The following SUCLG2 variants were observed in gnomAD, a reference collection of about 807,000 sequenced individuals.
SUCLG2 encodes succinate--CoA ligase [GDP-forming] subunit beta, mitochondrial.
Under a neutral mutation model 47.9 loss-of-function variants are expected in SUCLG2, and 42 were observed. That is an observed-to-expected ratio of 0.88 (90% CI 0.69 to 1.14). The LOEUF (loss-of-function observed/expected upper bound fraction) is 1.14. SUCLG2 is among the 50% of genes most tolerant of loss of function. The pLI is 0.00. For missense variants in SUCLG2, 571 were observed against 525.9 expected (o/e 1.09, Z -0.84); for synonymous variants, 195 against 197.3 (o/e 0.99, Z 0.10).
chr3:67,465,117 G>C (rs1704439234), intron 9 of SUCLG2, among the ~76,000 whole-genome samples: 1 of 152,110 alleles, frequency 6.6e-6, no homozygotes, highest in Non-Finnish European at 1.5e-5. Context: ...AGGCAATTTG[G>C]AGACACCTAG....
intron 4 of SUCLG2, among the ~76,000 whole-genome samples, chr3:67,522,969 G>T (rs4856872): frequency 0.059 from 8,970 of 151,056 alleles, 391 homozygotes; most frequent in East Asian, 0.22. Flanking sequence ...TGGCCTAATT[G>T]TTTTGTATTT....
chr3:67,493,408 C>T (rs937199184), intron 9 of SUCLG2, among the ~76,000 whole-genome samples: 8 of 151,952 alleles, frequency 5.3e-5, no homozygotes, highest in African/African-American at 1.9e-4. Flanking sequence ...CAGTTAATCT[C>T]AAAAAAAGTT....
chr3:67,484,910 G>GT (rs1189134291), intron 9 of SUCLG2, among the ~76,000 whole-genome samples: 1 of 152,162 alleles, frequency 6.6e-6, no homozygotes, highest in Non-Finnish European at 1.5e-5. Context: ...ATCTTAAGAG[G>GT]TTTTTGGTAA....
chr3:67,549,219 A>G (rs1706947002), intron 2 of SUCLG2, among the ~76,000 whole-genome samples: 1 of 152,180 alleles, frequency 6.6e-6, no homozygotes. Context: ...CAACCTCCAG[A>G]AAAGCCAGGA....
chr3:67,423,659 C>A (rs1309978175), intron 9 of SUCLG2, among the ~76,000 whole-genome samples: 1 of 152,136 alleles, frequency 6.6e-6, no homozygotes, highest in Non-Finnish European at 1.5e-5. Flanking sequence ...TCTCTTACCC[C>A]CTGCTCTACA....
intron 9 of SUCLG2, among the ~76,000 whole-genome samples, chr3:67,402,083 C>T (rs1702697206): frequency 6.6e-6 from 1 of 152,196 alleles, no homozygotes; most frequent in Admixed American, 6.5e-5. Context: ...AGATTGTCTA[C>T]TGATTTGTTC....
intron 9 of SUCLG2, among the ~76,000 whole-genome samples, chr3:67,427,090 G>T (rs1223906873): frequency 6.6e-6 from 1 of 152,166 alleles, no homozygotes. Flanking sequence ...TTACCTGAAA[G>T]AACGGTTTTT....
At chr3:67,379,592 T>C (rs561184925) in intron 10 of SUCLG2, among the ~76,000 whole-genome samples, 1 of 152,320 alleles carries the variant, frequency 6.6e-6, no homozygotes, top group East Asian at 1.9e-4. Flanking sequence ...TTAATTAATA[T>C]CCTCTTTTGC....
At chr3:67,443,797 A>C (rs1305194660) in intron 9 of SUCLG2, among the ~76,000 whole-genome samples, 2 of 79,798 alleles carry the variant, frequency 2.5e-5, no homozygotes, top group Non-Finnish European at 5.9e-5. Context: ...CTGAGAAGTG[A>C]GGAGACCCTC....
chr3:67,578,701 T>A (rs1226167728), intron 2 of SUCLG2, among the ~76,000 whole-genome samples: 2 of 152,120 alleles, frequency 1.3e-5, no homozygotes, highest in Non-Finnish European at 2.9e-5. Flanking sequence ...TGTCTGGGAA[T>A]CATCCCTGAA....
At chr3:67,489,071 G>A (rs954782819) in intron 9 of SUCLG2, among the ~76,000 whole-genome samples, 22 of 152,100 alleles carry the variant, frequency 1.4e-4, no homozygotes, top group African/African-American at 5.3e-4. Context: ...GATTTTGAGT[G>A]TTCTATTAGG....
At chr3:67,604,914 CT>C (rs1211043074) in intron 2 of SUCLG2, among the ~76,000 whole-genome samples, 1 of 152,118 alleles carries the variant, frequency 6.6e-6, no homozygotes, top group Non-Finnish European at 1.5e-5. Flanking sequence ...AAGCAAATAT[CT>C]TTCAATTATT....
intron 2 of SUCLG2, among the ~76,000 whole-genome samples, chr3:67,530,069 C>G (rs1338880665): frequency 1.3e-5 from 2 of 152,174 alleles, no homozygotes; most frequent in African/African-American, 4.8e-5. Flanking sequence ...CAGCTGATAT[C>G]CTCTGTTTGT....
chr3:67,599,903 A>G (rs150690471), intron 2 of SUCLG2, among the ~76,000 whole-genome samples: 9 of 152,340 alleles, frequency 5.9e-5, no homozygotes, highest in African/African-American at 1.9e-4. Flanking sequence ...AACCTTCTCA[A>G]TTCATTTCCT....
At chr3:67,517,282 C>T (rs1325548795) in intron 6 of SUCLG2, among the ~76,000 whole-genome samples, 1 of 152,068 alleles carries the variant, frequency 6.6e-6, no homozygotes, top group Non-Finnish European at 1.5e-5. Flanking sequence ...CATTAAACTT[C>T]CAGAGAGAGT....
intron 10 of SUCLG2, among the ~76,000 whole-genome samples, chr3:67,398,548 T>A (rs533640091): frequency 6.6e-6 from 1 of 151,650 alleles, no homozygotes; most frequent in African/African-American, 2.4e-5. Flanking sequence ...TGTGGAGAAA[T>A]AGGAACACTT....
chr3:67,649,814 T>C (rs1701254535), intron 1 of SUCLG2, among the ~76,000 whole-genome samples: 1 of 152,210 alleles, frequency 6.6e-6, no homozygotes, highest in Admixed American at 6.5e-5. Flanking sequence ...GATTGAGTGG[T>C]AAAGACAGCT....
intron 5 of SUCLG2, among the ~76,000 whole-genome samples, chr3:67,519,184 T>C (rs1273321574): frequency 6.6e-6 from 1 of 152,126 alleles, no homozygotes; most frequent in African/African-American, 2.4e-5. Flanking sequence ...AATCTGTACA[T>C]GTTAGGTCAA....
At chr3:67,448,237 A>C (rs1163815247) in intron 9 of SUCLG2, among the ~76,000 whole-genome samples, 1 of 152,232 alleles carries the variant, frequency 6.6e-6, no homozygotes, top group African/African-American at 2.4e-5. Context: ...ATTTTATGGA[A>C]TGCAGTCATA....
Sources: allele counts gnomAD v4.1 joint callset (sites outside exome capture counted in the v4.1 genomes callset), GRCh38; gene constraint gnomAD v4.1.1; transcripts MANE v1.5; gene names NCBI Gene and HGNC (gene_info 2026-07-23, HGNC 2026-07-21).